Variants in CCDC73 observed in about 807,000 individuals in gnomAD.
The protein encoded by CCDC73 is coiled-coil domain-containing protein 73.
CCDC73 carries 95 observed loss-of-function variants against 116.5 expected under a neutral mutation model. The observed-to-expected ratio is 0.82, with a 90% CI of 0.69 to 0.97. CCDC73 has a LOEUF of 0.97. Ranked by LOEUF, CCDC73 falls within the 50% of genes least tolerant of loss-of-function variation. The probability of loss-of-function intolerance (pLI) is 0.00; values close to 1 mark genes in which losing one functional copy is unlikely to be tolerated. For synonymous variants in CCDC73, 398 were observed against 401.3 expected, an observed-to-expected ratio of 0.99 and a Z score of 0.10; for missense variants, 1,066 against 1,206.8, an observed-to-expected ratio of 0.88 and a Z score of 1.73.
At chr11:32,607,313 C>T (rs978477560) in intron 17 of CCDC73, among the ~76,000 whole-genome samples, 6 of 150,662 alleles carry the variant, frequency 4.0e-5, no homozygotes, top group Admixed American at 3.3e-4. Context: ...GGGATGGTCT[C>T]GATCTCCTGA....
chr11:32,819,324 G>A, the CCDC73 span, among the ~76,000 whole-genome samples: 1 of 151,816 alleles, frequency 6.6e-6, no homozygotes, highest in African/African-American at 2.4e-5. Flanking sequence ...GAATAGACTA[G>A]GCCCAAATAA....
At chr11:32,792,700 T>A (rs1263674489) in intron 1 of CCDC73, among the ~76,000 whole-genome samples, 1 of 152,234 alleles carries the variant, frequency 6.6e-6, no homozygotes, top group African/African-American at 2.4e-5. Flanking sequence ...AACTATAGCA[T>A]CCTTCACAAT....
the CCDC73 span, among the ~76,000 whole-genome samples, chr11:32,818,460 C>G: frequency 6.6e-6 from 1 of 152,180 alleles, no homozygotes; most frequent in Non-Finnish European, 1.5e-5. Flanking sequence ...AGTGCTTAGC[C>G]AAGTACCACA....
intron 6 of CCDC73, among the ~76,000 whole-genome samples, chr11:32,698,011 A>ATTTTTTTT (rs869153507): frequency 1.6e-4 from 3 of 18,864 alleles, no homozygotes; most frequent in African/African-American, 3.7e-4. Context: ...CTAACACTGA[A>ATTTTTTTT]TTTTTTTTTT....
At chr11:32,713,720 T>A (rs1288067774) in intron 3 of CCDC73, among the ~76,000 whole-genome samples, 1 of 152,036 alleles carries the variant, frequency 6.6e-6, no homozygotes, top group Admixed American at 6.6e-5. Context: ...CAATGGAACT[T>A]TGTAAAAATT....
intron 14 of CCDC73, among the ~76,000 whole-genome samples, chr11:32,618,450 T>C (rs1855493540): frequency 6.6e-6 from 1 of 152,138 alleles, no homozygotes; most frequent in Admixed American, 6.5e-5. Flanking sequence ...TTGAGCAATC[T>C]TTCCACAGTG....
At chr11:32,795,127 T>C (rs1431557838), upstream of CCDC73, among the ~76,000 whole-genome samples, 3 of 152,204 alleles carry the variant, frequency 2.0e-5, no homozygotes, top group African/African-American at 7.2e-5. Flanking sequence ...CTTTTTATAC[T>C]TTTTGATGTT....
Position 32,654,051 on chromosome 11 carries a change from ATAGTTT to A in CCDC73, c.775-20_775-15del. 1.3e-6 allele frequency: 2 copies of A among 1,578,042 alleles called. No individual in the cohort carries two copies. Among genetic ancestry groups the A allele is most frequent in the Non-Finnish European group, 1.7e-6 (2 of 1,161,026 alleles). Reference sequence around the variant, plus strand: ...TAATTCCAATTCCTTTAAAATTTGAATAGTTTTAAAGTTATGATATAAAATTCAGCA... The same window carrying A: ...TAATTCCAATTCCTTTAAAATTTGAATAAAGTTATGATATAAAATTCAGCA... On this transcript the variant is annotated splice_polypyrimidine_tract_variant and intron_variant, in intron 10 of 17. Coordinates refer to ENST00000335185, the MANE Select transcript of CCDC73 (RefSeq NM_001008391.4).
chr11:32,656,767 C>G (rs1260173907), intron 9 of CCDC73, among the ~76,000 whole-genome samples: 1 of 152,084 alleles, frequency 6.6e-6, no homozygotes, highest in Non-Finnish European at 1.5e-5. Context: ...CAATAAATTC[C>G]TTTGCTGACT....
chr11:32,788,017 G>T (rs1443124185), intron 1 of CCDC73, among the ~76,000 whole-genome samples: 1 of 152,168 alleles, frequency 6.6e-6, no homozygotes, highest in East Asian at 1.9e-4. Flanking sequence ...ACACTCATCA[G>T]ATTCTATCTT....
At chr11:32,645,291 C>CTTTTCTTTTTTT (rs1565065213) in intron 12 of CCDC73, among the ~76,000 whole-genome samples, 1 of 121,084 alleles carries the variant, frequency 8.3e-6, no homozygotes. Flanking sequence ...TTTTCTTTTT[C>CTTTTCTTTTTTT]TTTTTTTTTT....
chr11:32,605,504 T>C (rs1023998625), intron 17 of CCDC73: 2 of 152,230 alleles, frequency 1.3e-5, no homozygotes, highest in African/African-American at 4.8e-5. Flanking sequence ...CCTACATAAA[T>C]ATTTCCTATT....
At chr11:32,815,099 A>G in the CCDC73 span, among the ~76,000 whole-genome samples, 1 of 152,192 alleles carries the variant, frequency 6.6e-6, no homozygotes, top group Non-Finnish European at 1.5e-5. Context: ...ATGTTCCGGA[A>G]TGACACAGTT....
chr11:32,826,513 G>A, the CCDC73 span, among the ~76,000 whole-genome samples: 1 of 151,990 alleles, frequency 6.6e-6, no homozygotes, highest in African/African-American at 2.4e-5. Flanking sequence ...AAGTGGGCGG[G>A]TATGTGCTCA....
Position 32,614,636 on chromosome 11 carries a change from T to C in CCDC73, c.1682A>G (p.His561Arg). ...AACCTCCAGATTTACATCTGTATGGTGAACATCTAATCCTCTGGTTCTTTC... is the reference window on the plus strand; with the variant it reads ...AACCTCCAGATTTACATCTGTATGGCGAACATCTAATCCTCTGGTTCTTTC... Reference protein sequence around the residue: ...HLERTRGLDVHHTDVNLEVEN... With the variant: ...HLERTRGLDVRHTDVNLEVEN... The change falls in exon 16 of 18, where the codon CAC becomes CGC. Residue 561 changes from histidine (H) to arginine (R), a missense_variant. Transcript: ENST00000335185. 1 of 1,612,934 alleles carries C rather than the reference T, an allele frequency of 6.2e-7. No homozygotes were observed. Among genetic ancestry groups the C allele is most frequent in the Non-Finnish European group, 8.5e-7 (1 of 1,179,332 alleles).
chr11:32,695,252 C>T (rs1245176408), intron 6 of CCDC73, among the ~76,000 whole-genome samples: 1 of 151,850 alleles, frequency 6.6e-6, no homozygotes. Flanking sequence ...GCCTGTAATC[C>T]CAGCTACACA....
chr11:32,693,351 T>G lies in CCDC73; in HGVS notation c.390+5900A>C, dbSNP rs141170658. Among the ~76,000 whole-genome samples, 6 of 152,192 alleles carry G rather than the reference T, an allele frequency of 3.9e-5. No homozygotes were observed. In the East Asian group the frequency reaches 1.2e-3, roughly 29 times the overall value. ...TTTATTTAAGTTTCAACTTGGGGGGTTGGGAGAAATCACAAGTATCTTCAT... is the reference window on the plus strand; with the variant it reads ...TTTATTTAAGTTTCAACTTGGGGGGGTGGGAGAAATCACAAGTATCTTCAT... On this transcript the variant is annotated intron_variant, in intron 6 of 17. Coordinates refer to ENST00000335185, the MANE Select transcript of CCDC73 (RefSeq NM_001008391.4).
chr11:32,653,395 A>G (rs1397740345), intron 11 of CCDC73, among the ~76,000 whole-genome samples, 168 bp from the exon 12 acceptor site: 2 of 152,216 alleles, frequency 1.3e-5, no homozygotes, highest in South Asian at 2.1e-4. Flanking sequence ...AATTTCTATT[A>G]CATTATTTCC....
the CCDC73 span, among the ~76,000 whole-genome samples, chr11:32,824,215 T>C: frequency 6.6e-6 from 1 of 152,306 alleles, no homozygotes; most frequent in African/African-American, 2.4e-5. Context: ...TTTTTGTATC[T>C]TTTGTCACAT....
Sources: gnomAD v4.1 joint callset for allele counts (sites outside exome capture counted in the v4.1 genomes callset) on GRCh38, gnomAD v4.1.1 for gene constraint, MANE v1.5 for transcripts, NCBI Gene and HGNC (gene_info 2026-07-23, HGNC 2026-07-21) for gene names.